Variants in P2RY8 observed in about 807,000 individuals in gnomAD.
P2RY8 encodes the protein S-geranylgeranyl-glutathione receptor P2RY8.
P2RY8 carries 6 observed loss-of-function variants against 10.0 expected under a neutral mutation model. The observed-to-expected ratio is 0.60, with a 90% CI of 0.33 to 1.19. The LOEUF is 1.19. Ranked by LOEUF, P2RY8 falls within the 50% of genes most tolerant of loss-of-function variation. P2RY8 has a pLI of 0.04. For synonymous variants in P2RY8, 276 were observed against 252.5 expected (o/e 1.09, Z -0.88); for missense variants, 456 against 542.0 (o/e 0.84, Z 1.58).
chrX:1,489,723 C>A (rs2092024486), intron 1 of P2RY8, among the ~76,000 whole-genome samples: 1 of 149,742 alleles, frequency 6.7e-6, no homozygotes, highest in South Asian at 2.2e-4. Context: ...CCCAGATATT[C>A]CCCGCAAATG....
At chrX:1,533,824 A>G (rs2092501730) in intron 1 of P2RY8, among the ~76,000 whole-genome samples, 1 of 120,482 alleles carries the variant, frequency 8.3e-6, no homozygotes, top group African/African-American at 3.3e-5. Context: ...TTATTTATAT[A>G]TTATATACTT....
intron 1 of P2RY8, among the ~76,000 whole-genome samples, chrX:1,536,441 T>C (rs1481914787): frequency 2.6e-5 from 4 of 152,038 alleles, no homozygotes; most frequent in Non-Finnish European, 4.4e-5. Context: ...TTTGTATTTT[T>C]AGTAGAGACG....
chrX:1,519,884 T>C (rs2092378177), intron 1 of P2RY8, among the ~76,000 whole-genome samples: 1 of 151,302 alleles, frequency 6.6e-6, no homozygotes, highest in Non-Finnish European at 1.5e-5. Flanking sequence ...ATAATCTCTC[T>C]GGTCCCCAAA....
intron 1 of P2RY8, among the ~76,000 whole-genome samples, chrX:1,508,584 GTATC>G (rs1296719849): frequency 5.4e-5 from 8 of 149,148 alleles, no homozygotes; most frequent in Non-Finnish European, 3.0e-5. Flanking sequence ...TATCATCTAT[GTATC>G]TATCTGTCTA....
At chrX:1,534,725 G>A (rs1324422481) in intron 1 of P2RY8, among the ~76,000 whole-genome samples, 1 of 152,250 alleles carries the variant, frequency 6.6e-6, no homozygotes, top group Admixed American at 6.5e-5. Context: ...CCATCTGCCC[G>A]GGGAAAGGGC....
At chrX:1,514,355 ATTTTCC>A (rs1342827035) in intron 1 of P2RY8, among the ~76,000 whole-genome samples, 1 of 82,620 alleles carries the variant, frequency 1.2e-5, no homozygotes, top group African/African-American at 4.5e-5. Context: ...CTTCCCTTTT[ATTTTCC>A]TTTTCCTTTT....
intron 1 of P2RY8, among the ~76,000 whole-genome samples, chrX:1,477,958 T>C (rs758565324): frequency 6.6e-6 from 1 of 152,248 alleles, no homozygotes; most frequent in South Asian, 2.1e-4. Flanking sequence ...GAGCGATTCC[T>C]TAAAATGCCT....
intron 1 of P2RY8, among the ~76,000 whole-genome samples, chrX:1,518,138 A>T (rs1410442218): frequency 1.4e-5 from 2 of 139,794 alleles, no homozygotes; most frequent in Non-Finnish European, 3.1e-5. Flanking sequence ...AAATAAAAAT[A>T]ATCTTGGCCG....
At chrX:1,507,582 T>C (rs1294882476) in intron 1 of P2RY8, among the ~76,000 whole-genome samples, 1 of 152,096 alleles carries the variant, frequency 6.6e-6, no homozygotes. Context: ...TTGTGTGGAT[T>C]GCTAAACTGA....
intron 1 of P2RY8, among the ~76,000 whole-genome samples, chrX:1,480,300 T>C (rs1316514689): frequency 1.3e-5 from 2 of 152,020 alleles, no homozygotes; most frequent in African/African-American, 2.4e-5. Context: ...TTCTTTCTTT[T>C]TTTTTTTTAT....
chrX:1,487,892 C>T (rs1489983715), intron 1 of P2RY8, among the ~76,000 whole-genome samples: 3 of 152,078 alleles, frequency 2.0e-5, no homozygotes, highest in Admixed American at 6.6e-5. Flanking sequence ...GGGTGGATCA[C>T]GAGGTCAGGA....
intron 1 of P2RY8, among the ~76,000 whole-genome samples, chrX:1,480,109 C>T (rs188652232): frequency 6.6e-6 from 1 of 152,216 alleles, no homozygotes; most frequent in Admixed American, 6.5e-5. Context: ...GATAGAAACA[C>T]AGGGAATATC....
rs769938482 is a variant in P2RY8, at chrX:1,529,128, G to A, written c.-25+7793C>T. On this transcript the variant is annotated intron_variant, in intron 1 of 1. Transcript: ENST00000381297. The stretch of plus-strand genomic sequence containing the variant: ...CAGCGGGGCCCTTGGTCTTGGAAAG[G>A]TGGAGAATAAATCCTCCATTTCCCC... 6.6e-5 allele frequency among the ~76,000 whole-genome samples: 10 copies of A among 152,290 alleles called. No individual in the cohort carries two copies. In the South Asian group the frequency reaches 1.9e-3, roughly 28 times the overall value.
chrX:1,528,748 C>G (rs774941050), intron 1 of P2RY8, among the ~76,000 whole-genome samples: 1 of 148,654 alleles, frequency 6.7e-6, no homozygotes, highest in South Asian at 2.1e-4. Flanking sequence ...AGGTTTGAGT[C>G]TCTGAATGAG....
At chrX:1,499,163 C>CTTTTTTT (rs1163119480) in intron 1 of P2RY8, among the ~76,000 whole-genome samples, 28 of 48,432 alleles carry the variant, frequency 5.8e-4, no homozygotes, top group Non-Finnish European at 1.0e-3. Flanking sequence ...TTTTTCTTTT[C>CTTTTTTT]TTTTTTTTTT....
intron 1 of P2RY8, among the ~76,000 whole-genome samples, chrX:1,482,862 A>G (rs2091950515): frequency 6.7e-6 from 1 of 149,620 alleles, no homozygotes; most frequent in South Asian, 2.2e-4. Flanking sequence ...CAAACACTGC[A>G]TGTTCTCACT....
intron 1 of P2RY8, among the ~76,000 whole-genome samples, chrX:1,502,528 G>A (rs1176802324): frequency 3.3e-5 from 5 of 152,118 alleles, no homozygotes; most frequent in African/African-American, 1.2e-4. Flanking sequence ...CACGTGAGCC[G>A]CCCCTGTCCC....
chrX:1,498,417 A>G (rs1272808284), intron 1 of P2RY8, among the ~76,000 whole-genome samples: 8 of 151,140 alleles, frequency 5.3e-5, no homozygotes, highest in Non-Finnish European at 7.4e-5. Context: ...AAAAAAAAAA[A>G]AAAAAAGAAA....
intron 1 of P2RY8, among the ~76,000 whole-genome samples, chrX:1,488,733 GGTGTGTGTGTGTGTGT>G: frequency 1.4e-5 from 2 of 147,638 alleles, no homozygotes; most frequent in African/African-American, 5.0e-5. Context: ...GTAAATGCAG[GGTGTGTGTGTGTGTGT>G]GTGTGTGTGT....
Sources: allele counts gnomAD v4.1 joint callset (sites outside exome capture counted in the v4.1 genomes callset), GRCh38; gene constraint gnomAD v4.1.1; transcripts MANE v1.5; gene names NCBI Gene and HGNC (gene_info 2026-07-23, HGNC 2026-07-21).